Variants in CALD1 observed in about 807,000 individuals in gnomAD.
The protein encoded by CALD1 is caldesmon 1, also known as caldesmon.
A neutral mutation model predicts 99.9 loss-of-function variants in CALD1; 33 were observed. That is an observed-to-expected ratio of 0.33 (90% confidence interval 0.25 to 0.44). The LOEUF (loss-of-function observed/expected upper bound fraction) is 0.44. CALD1 is among the 20% of genes least tolerant of loss of function. The pLI is 1.00. For missense variants in CALD1, 861 were observed against 962.1 expected (o/e 0.89, Z 1.39); for synonymous variants, 310 against 325.0 (o/e 0.95, Z 0.50).
intron 3 of CALD1, chr7:134,891,601 G>A: frequency 1.9e-6 from 3 of 1,604,338 alleles, no homozygotes; most frequent in Middle Eastern, 2.1e-4. Flanking sequence ...CTGCCCCGCC[G>A]CCCCTTCCCA....
At chr7:134,854,653 T>C (rs1800224315) in intron 2 of CALD1, among the ~76,000 whole-genome samples, 1 of 152,202 alleles carries the variant, frequency 6.6e-6, no homozygotes, top group African/African-American at 2.4e-5. Flanking sequence ...ATCTGTCATA[T>C]AGCTGGCCCG....
At chr7:134,834,038 A>C (rs1443310194) in intron 1 of CALD1, among the ~76,000 whole-genome samples, 1 of 152,220 alleles carries the variant, frequency 6.6e-6, no homozygotes, top group African/African-American at 2.4e-5. Context: ...ATAGCTTTGA[A>C]TCCTTCCTAA....
intron 1 of CALD1, among the ~76,000 whole-genome samples, chr7:134,796,872 C>G (rs2167752): frequency 1.3e-5 from 2 of 152,042 alleles, no homozygotes; most frequent in East Asian, 3.9e-4. Context: ...AGGCATGAGC[C>G]ACCACACTGG....
At chr7:134,888,590 T>G (rs1586208917) in intron 3 of CALD1, among the ~76,000 whole-genome samples, 1 of 152,322 alleles carries the variant, frequency 6.6e-6, no homozygotes, top group East Asian at 1.9e-4. Context: ...ACTTGTTATC[T>G]CTATGCGTCT....
At chr7:134,781,397 C>G (rs1202914658) in intron 1 of CALD1, among the ~76,000 whole-genome samples, 1 of 152,138 alleles carries the variant, frequency 6.6e-6, no homozygotes, top group East Asian at 1.9e-4. Context: ...ATCCCCCATC[C>G]CCCTTCTCTT....
intron 3 of CALD1, among the ~76,000 whole-genome samples, chr7:134,912,649 T>G (rs1468823794): frequency 6.6e-6 from 1 of 152,212 alleles, no homozygotes; most frequent in Non-Finnish European, 1.5e-5. Context: ...GTGAAAAAGA[T>G]GTAAACATGT....
chr7:134,755,665 T>A (rs1796721305), intron 1 of CALD1, among the ~76,000 whole-genome samples: 2 of 152,226 alleles, frequency 1.3e-5, no homozygotes. Flanking sequence ...GGCAGTCAGC[T>A]TTTGTTTGTG....
At chr7:134,771,707 T>A (rs1796879315) in intron 1 of CALD1, among the ~76,000 whole-genome samples, 1 of 152,190 alleles carries the variant, frequency 6.6e-6, no homozygotes, top group South Asian at 2.1e-4. Context: ...TAGAAGCCTC[T>A]GGATGGCGGA....
At chr7:134,943,788 A>C (rs1806643680) in intron 7 of CALD1, among the ~76,000 whole-genome samples, 1 of 152,248 alleles carries the variant, frequency 6.6e-6, no homozygotes, top group African/African-American at 2.4e-5. Context: ...ATTTATATGT[A>C]GTATATACGT....
intron 1 of CALD1, among the ~76,000 whole-genome samples, chr7:134,824,242 G>C (rs575236124): frequency 6.6e-6 from 1 of 152,236 alleles, no homozygotes; most frequent in East Asian, 1.9e-4. Context: ...TTCTCTTTCA[G>C]CTGGGGGACT....
chr7:134,874,255 C>T (rs116851161), intron 3 of CALD1, among the ~76,000 whole-genome samples: 1 of 151,234 alleles, frequency 6.6e-6, no homozygotes, highest in Admixed American at 6.6e-5. Context: ...TGCAGTGGTA[C>T]CATCTCGGCT....
intron 3 of CALD1, among the ~76,000 whole-genome samples, chr7:134,914,797 AG>A (rs905642680): frequency 6.6e-6 from 1 of 152,178 alleles, no homozygotes; most frequent in Non-Finnish European, 1.5e-5. Context: ...TTCTTTATGA[AG>A]CCTCCTCTGA....
At chr7:134,820,614 G>A (rs1387528935) in intron 1 of CALD1, among the ~76,000 whole-genome samples, 1 of 152,142 alleles carries the variant, frequency 6.6e-6, no homozygotes, top group Non-Finnish European at 1.5e-5. Flanking sequence ...TACAAATGTT[G>A]AGATGTTCTG....
chr7:134,870,578 T>C (rs1801022823), intron 3 of CALD1, among the ~76,000 whole-genome samples: 1 of 152,372 alleles, frequency 6.6e-6, no homozygotes, highest in South Asian at 2.1e-4. Context: ...CTGAATAACC[T>C]AAAATAAACT....
At chr7:134,845,468 T>C (rs1285549157) in intron 2 of CALD1, among the ~76,000 whole-genome samples, 2 of 152,150 alleles carry the variant, frequency 1.3e-5, no homozygotes, top group South Asian at 2.1e-4. Flanking sequence ...GATTGACTAA[T>C]AGCAGGAGAG....
chr7:134,812,994 G>A (rs1307306336), intron 1 of CALD1, among the ~76,000 whole-genome samples: 1 of 152,222 alleles, frequency 6.6e-6, no homozygotes, highest in Admixed American at 6.5e-5. Flanking sequence ...GGGGCAGAAA[G>A]AGAACCAGGA....
chr7:134,880,774 A>C (rs914855959), intron 3 of CALD1, among the ~76,000 whole-genome samples: 1 of 152,192 alleles, frequency 6.6e-6, no homozygotes, highest in Non-Finnish European at 1.5e-5. Context: ...CTTTCCTGCT[A>C]CTACCTTTTA....
chr7:134,954,945 A>G (rs149543390), intron 9 of CALD1, among the ~76,000 whole-genome samples: 9 of 152,280 alleles, frequency 5.9e-5, no homozygotes, highest in African/African-American at 2.2e-4. Flanking sequence ...AAATATCAAC[A>G]CTACTGAAAA....
chr7:134,930,651 A>G (rs564373265), intron 4 of CALD1, among the ~76,000 whole-genome samples: 33 of 152,336 alleles, frequency 2.2e-4, no homozygotes, highest in Middle Eastern at 3.4e-3. Context: ...TATAATTTCT[A>G]GGGTTCACTA....
Sources: allele counts gnomAD v4.1 joint callset (sites outside exome capture counted in the v4.1 genomes callset), GRCh38; gene constraint gnomAD v4.1.1; transcripts MANE v1.5; gene names NCBI Gene and HGNC (gene_info 2026-07-23, HGNC 2026-07-21).